STK33: variants seen among roughly 807,000 people sequenced by gnomAD.
STK33 encodes serine/threonine-protein kinase 33.
STK33 carries 52 observed loss-of-function variants against 58.0 expected under a neutral mutation model. The ratio of observed to expected loss-of-function variants is 0.90; its 90% CI spans 0.72 to 1.13. STK33 has a LOEUF of 1.13. STK33 is among the 50% of genes most tolerant of loss of function. The pLI is 0.00. For synonymous variants in STK33, 215 were observed against 200.1 expected, an observed-to-expected ratio of 1.07 and a Z score of -0.63; for missense variants, 630 against 604.2, an observed-to-expected ratio of 1.04 and a Z score of -0.45.
chr11:8,418,559 T>A lies in STK33; in HGVS notation c.1147-4867A>T, dbSNP rs145027033. ...GCTGCAGTTAACATTCATGTGCATA[T>A]GTGTTTATGGCAGACTGATTTATAT... is the stretch of plus-strand genomic sequence containing the variant. On this transcript the variant is annotated intron_variant, in intron 14 of 15. Transcript: ENST00000687296. 1.0e-3 allele frequency among the ~76,000 whole-genome samples: 159 copies of A among 152,300 alleles called. 2 individuals carry two copies. In the East Asian group the frequency reaches 0.025, roughly 24 times the overall value.
At chr11:8,397,957 C>T (rs921016886) in intron 15 of STK33, among the ~76,000 whole-genome samples, 4 of 152,032 alleles carry the variant, frequency 2.6e-5, no homozygotes, top group African/African-American at 9.7e-5. Flanking sequence ...AATATGGGAC[C>T]ATGTGAAAAG....
chr11:8,571,246 G>A (rs996531009), intron 1 of STK33, among the ~76,000 whole-genome samples: 3 of 152,174 alleles, frequency 2.0e-5, no homozygotes, highest in African/African-American at 7.2e-5. Context: ...GCATATGTGA[G>A]GCCAAAACTA....
At chr11:8,371,573 G>C in the STK33 span, among the ~76,000 whole-genome samples, 2 of 152,086 alleles carry the variant, frequency 1.3e-5, no homozygotes, top group African/African-American at 4.8e-5. Flanking sequence ...TGGGAGGAAG[G>C]GTTCAGATGA....
chr11:8,423,009 T>G (rs958542518), intron 14 of STK33, among the ~76,000 whole-genome samples: 10 of 148,924 alleles, frequency 6.7e-5, no homozygotes, highest in Admixed American at 6.7e-4. Context: ...CCCGGCTGAT[T>G]TTTTAAATTT....
At chr11:8,569,219 G>A (rs1957640411) in intron 1 of STK33, among the ~76,000 whole-genome samples, 1 of 152,122 alleles carries the variant, frequency 6.6e-6, no homozygotes, top group South Asian at 2.1e-4. Context: ...TAACAAAATT[G>A]GAAGACTCAC....
chr11:8,357,396 G>C, the STK33 span, among the ~76,000 whole-genome samples: 1 of 152,252 alleles, frequency 6.6e-6, no homozygotes, highest in South Asian at 2.1e-4. Flanking sequence ...GGAGCTGGTC[G>C]CAGCCCCGCG....
intron 14 of STK33, among the ~76,000 whole-genome samples, chr11:8,418,711 C>G (rs766103818): frequency 6.6e-6 from 1 of 152,140 alleles, no homozygotes; most frequent in Non-Finnish European, 1.5e-5. Flanking sequence ...CTCCACGCAA[C>G]AGTGTGTAAG....
chr11:8,466,794 T>A (rs1183813514), intron 6 of STK33: 1 of 152,296 alleles, frequency 6.6e-6, no homozygotes, highest in Non-Finnish European at 1.5e-5. Context: ...ATCCTGCCCC[T>A]GCAGCAAACT....
At chr11:8,519,758 T>C (rs1344845575) in intron 1 of STK33, among the ~76,000 whole-genome samples, 1 of 152,148 alleles carries the variant, frequency 6.6e-6, no homozygotes, top group Non-Finnish European at 1.5e-5. Context: ...ATGGATAAAT[T>C]CCTGGACACA....
Position 8,392,297 on chromosome 11 carries a change from C to T in STK33, c.*213G>A, listed in dbSNP as rs1384261520. The stretch of plus-strand genomic sequence containing the variant: ...TTTCCACTGCAGCCCACTGCCAAGC[C>T]TACTGGTGGCTGTCCTTTAATGCCA... On this transcript the variant is annotated 3_prime_UTR_variant, in exon 16 of 16. Coordinates refer to ENST00000687296, the MANE Select transcript of STK33 (RefSeq NM_001352389.2). 1.7e-6 allele frequency: 1 copy of T among 597,772 alleles called. No homozygotes were observed. Among genetic ancestry groups the T allele is most frequent in the East Asian group, 2.8e-5 (1 of 35,658 alleles). 37.0% of individuals were successfully genotyped at this position (597,772 alleles called of 1,614,324 possible).
chr11:8,398,256 T>A (rs1195967033), intron 15 of STK33, among the ~76,000 whole-genome samples: 1 of 152,216 alleles, frequency 6.6e-6, no homozygotes, highest in African/African-American at 2.4e-5. Context: ...GACTAACAGC[T>A]GATCTCTCAG....
At chr11:8,353,918 T>TA in the STK33 span, among the ~76,000 whole-genome samples, 3 of 152,208 alleles carry the variant, frequency 2.0e-5, no homozygotes, top group African/African-American at 7.2e-5. Context: ...GATGAAGGTC[T>TA]GGAATTTCTG....
chr11:8,354,203 A>G, the STK33 span, among the ~76,000 whole-genome samples: 2 of 152,044 alleles, frequency 1.3e-5, no homozygotes, highest in Admixed American at 6.6e-5. Flanking sequence ...AAACAGCTCC[A>G]GGGACGAGGT....
intron 1 of STK33, among the ~76,000 whole-genome samples, chr11:8,592,494 G>C (rs1178005238): frequency 6.6e-6 from 1 of 152,146 alleles, no homozygotes; most frequent in Non-Finnish European, 1.5e-5. Flanking sequence ...TAAAACTGAC[G>C]GTGGCAATGT....
At chr11:8,499,201 T>A (rs1565201069) in intron 1 of STK33, among the ~76,000 whole-genome samples, 1 of 152,076 alleles carries the variant, frequency 6.6e-6, no homozygotes, top group South Asian at 2.1e-4. Flanking sequence ...AGGGCTAATA[T>A]CTAGAATCTA....
chr11:8,388,208 A>G (rs754192135), downstream of STK33, among the ~76,000 whole-genome samples: 1 of 152,158 alleles, frequency 6.6e-6, no homozygotes, highest in Non-Finnish European at 1.5e-5. Context: ...TGACACTGCA[A>G]AAGTCCTATT....
intron 1 of STK33, among the ~76,000 whole-genome samples, chr11:8,581,619 C>T (rs2030286058): frequency 6.6e-6 from 1 of 152,150 alleles, no homozygotes; most frequent in African/African-American, 2.4e-5. Flanking sequence ...AAAATCTGTC[C>T]TGAAAGAGAA....
chr11:8,456,508 G>A (rs1015788632), intron 9 of STK33, among the ~76,000 whole-genome samples: 2 of 152,122 alleles, frequency 1.3e-5, no homozygotes, highest in South Asian at 2.1e-4. Context: ...GTAGGTGCTC[G>A]GGAACTATCA....
intron 12 of STK33, among the ~76,000 whole-genome samples, chr11:8,440,284 T>C (rs1049314999): frequency 2.6e-5 from 4 of 152,110 alleles, no homozygotes; most frequent in Non-Finnish European, 4.4e-5. Context: ...CTCCCACCTA[T>C]GCTCTGCCTG....
Sources: allele counts gnomAD v4.1 joint callset (sites outside exome capture counted in the v4.1 genomes callset), GRCh38; gene constraint gnomAD v4.1.1; transcripts MANE v1.5; gene names NCBI Gene and HGNC (gene_info 2026-07-23, HGNC 2026-07-21).